CYP2J2: variants seen among roughly 807,000 people sequenced by gnomAD.
CYP2J2 encodes cytochrome P450 2J2.
Under a neutral mutation model 48.8 loss-of-function variants are expected in CYP2J2, and 41 were observed. That is an observed-to-expected ratio of 0.84 (90% CI 0.66 to 1.09). The LOEUF (loss-of-function observed/expected upper bound fraction) is 1.09, where lower values mean the gene tolerates loss of function less well. CYP2J2 is among the 50% of genes least tolerant of loss of function. CYP2J2 has a pLI of 0.00. For missense variants in CYP2J2, 644 were observed against 617.3 expected (o/e 1.04, Z -0.46); for synonymous variants, 221 against 227.1 (o/e 0.97, Z 0.24).
At chr1:59,933,604 T>A in the CYP2J2 span, among the ~76,000 whole-genome samples, 1 of 152,154 alleles carries the variant, frequency 6.6e-6, no homozygotes, top group Middle Eastern at 3.2e-3. Context: ...CTTTAGAGTT[T>A]TCTACATGTA....
At chr1:59,914,478 A>G (rs1179978880) in intron 2 of CYP2J2, among the ~76,000 whole-genome samples, 1 of 152,150 alleles carries the variant, frequency 6.6e-6, no homozygotes, top group Non-Finnish European at 1.5e-5. Flanking sequence ...ACTTTTCCCC[A>G]ACCTCTTTGC....
At chr1:59,900,479 A>G (rs1234944729) in intron 8 of CYP2J2, among the ~76,000 whole-genome samples, 2 of 152,088 alleles carry the variant, frequency 1.3e-5, no homozygotes. Context: ...CTAAACATAC[A>G]AAAAATTAGC....
chr1:59,914,581 G>A (rs1644447288), intron 2 of CYP2J2, among the ~76,000 whole-genome samples: 1 of 152,146 alleles, frequency 6.6e-6, no homozygotes, highest in Non-Finnish European at 1.5e-5. Flanking sequence ...GATGTGCCTT[G>A]TTAACAAAAT....
intron 7 of CYP2J2, among the ~76,000 whole-genome samples, chr1:59,901,405 G>A (rs897125215): frequency 6.6e-6 from 1 of 152,152 alleles, no homozygotes; most frequent in Non-Finnish European, 1.5e-5. Flanking sequence ...TGGAAGGAGG[G>A]GGCATGAATG....
At chr1:59,946,510 A>G in the CYP2J2 span, among the ~76,000 whole-genome samples, 10 of 152,234 alleles carry the variant, frequency 6.6e-5, no homozygotes, top group Admixed American at 2.6e-4. Flanking sequence ...TGCTCCCCAC[A>G]CTAGAATGTG....
At chr1:59,969,054 G>A in the CYP2J2 span, among the ~76,000 whole-genome samples, 2 of 152,282 alleles carry the variant, frequency 1.3e-5, no homozygotes, top group South Asian at 4.1e-4. Flanking sequence ...CCTCCTGGTG[G>A]GCTCGTGGTC....
intron 8 of CYP2J2, among the ~76,000 whole-genome samples, chr1:59,896,060 A>C (rs913118643): frequency 6.6e-5 from 10 of 152,196 alleles, no homozygotes; most frequent in African/African-American, 2.4e-4. Flanking sequence ...CTTTGGGCAC[A>C]ACAATCTATT....
intron 2 of CYP2J2, among the ~76,000 whole-genome samples, chr1:59,915,227 G>T (rs957391173): frequency 6.6e-6 from 1 of 152,102 alleles, no homozygotes; most frequent in Admixed American, 6.5e-5. Flanking sequence ...GCCAGTGCAG[G>T]TCCTTGGTAT....
chr1:59,914,400 A>T (rs572315314), intron 2 of CYP2J2, among the ~76,000 whole-genome samples: 1 of 152,326 alleles, frequency 6.6e-6, no homozygotes, highest in East Asian at 1.9e-4. Context: ...GAAAGGGAAG[A>T]CATAAGAAAT....
At chr1:59,914,074 T>C (rs1187631110) in intron 2 of CYP2J2, among the ~76,000 whole-genome samples, 1 of 152,244 alleles carries the variant, frequency 6.6e-6, no homozygotes, top group Non-Finnish European at 1.5e-5. Context: ...ACCAGTTTAT[T>C]AAATGAATAT....
At chr1:59,896,064 A>T (rs1644265928) in intron 8 of CYP2J2, among the ~76,000 whole-genome samples, 1 of 152,180 alleles carries the variant, frequency 6.6e-6, no homozygotes, top group South Asian at 2.1e-4. Flanking sequence ...GGGCACAACA[A>T]TCTATTCCAG....
upstream of CYP2J2, among the ~76,000 whole-genome samples, chr1:59,929,807 C>T (rs1449038876): frequency 6.6e-6 from 1 of 152,024 alleles, no homozygotes; most frequent in African/African-American, 2.4e-5. Context: ...AATCAGAATA[C>T]CATAGAATAC....
chr1:59,902,372 A>G (rs1195362932), intron 7 of CYP2J2, among the ~76,000 whole-genome samples: 3 of 152,176 alleles, frequency 2.0e-5, no homozygotes, highest in African/African-American at 7.2e-5. Context: ...ATATTAACAT[A>G]TTAATATAAT....
At chr1:59,916,315 T>G (rs1644465614) in intron 1 of CYP2J2, among the ~76,000 whole-genome samples, 1 of 152,156 alleles carries the variant, frequency 6.6e-6, no homozygotes, top group African/African-American at 2.4e-5. Context: ...AGGCTCAGAT[T>G]CAATTCACTT....
intron 6 of CYP2J2, among the ~76,000 whole-genome samples, chr1:59,906,345 G>A (rs1414258947): frequency 6.6e-6 from 1 of 152,072 alleles, no homozygotes; most frequent in East Asian, 1.9e-4. Flanking sequence ...AAGCCTATTG[G>A]TGAGCCGTCT....
the CYP2J2 span, among the ~76,000 whole-genome samples, chr1:59,961,222 T>C: frequency 6.6e-6 from 1 of 151,952 alleles, no homozygotes; most frequent in East Asian, 1.9e-4. Flanking sequence ...TAAAAGAAAA[T>C]ATTTGCAAAT....
At chr1:59,955,243 TATATATATCC>T in the CYP2J2 span, among the ~76,000 whole-genome samples, 113 of 98,212 alleles carry the variant, frequency 1.2e-3, no homozygotes, top group African/African-American at 5.4e-3. Context: ...AATAAGGATA[TATATATATCC>T]ATATATATAT....
intron 8 of CYP2J2, among the ~76,000 whole-genome samples, chr1:59,899,910 G>T (rs1039768514): frequency 6.6e-5 from 10 of 152,096 alleles, no homozygotes; most frequent in African/African-American, 2.4e-4. Context: ...AAAGAATTGT[G>T]AAATTATTTG....
the CYP2J2 span, among the ~76,000 whole-genome samples, chr1:59,961,093 A>G: frequency 6.6e-5 from 10 of 152,350 alleles, no homozygotes; most frequent in South Asian, 1.4e-3. Context: ...ATGATTTCTT[A>G]GAGACAATAT....
Sources: allele counts gnomAD v4.1 joint callset (sites outside exome capture counted in the v4.1 genomes callset), GRCh38; gene constraint gnomAD v4.1.1; transcripts MANE v1.5; gene names NCBI Gene and HGNC (gene_info 2026-07-23, HGNC 2026-07-21).